The following PGBD5 variants were observed in gnomAD, a reference collection of about 807,000 sequenced individuals.
PGBD5 encodes piggyBac transposable element derived 5, also known as piggyBac transposable element-derived protein 5.
PGBD5 carries 14 observed loss-of-function variants against 47.9 expected under a neutral mutation model. The ratio of observed to expected loss-of-function variants is 0.29; its 90% CI spans 0.19 to 0.46. The LOEUF (loss-of-function observed/expected upper bound fraction) is 0.46. PGBD5 is among the 20% of genes least tolerant of loss of function. The pLI is 1.00. For synonymous variants in PGBD5, 316 were observed against 306.3 expected (o/e 1.03, Z -0.33); for missense variants, 635 against 716.0 (o/e 0.89, Z 1.29).
intron 4 of PGBD5, among the ~76,000 whole-genome samples, chr1:230,335,712 GGTACACATACA>G (rs1558192650): frequency 7.4e-3 from 1 of 136 alleles, no homozygotes; most frequent in African/African-American, 0.019. Context: ...TACATACACA[GGTACACATACA>G]GACACACACA....
intron 1 of PGBD5, among the ~76,000 whole-genome samples, chr1:230,358,058 T>G (rs1320950447): frequency 6.6e-6 from 1 of 151,646 alleles, no homozygotes; most frequent in Non-Finnish European, 1.5e-5. Flanking sequence ...TACAAATACA[T>G]CGATGTATAA....
chr1:230,377,930 AT>A (rs1344612945), intron 1 of PGBD5, among the ~76,000 whole-genome samples: 1 of 152,214 alleles, frequency 6.6e-6, no homozygotes, highest in East Asian at 1.9e-4. Context: ...TCTGGCTTGA[AT>A]TTGAGTCTGA....
chr1:230,412,208 G>A (rs1657423932), intron 1 of PGBD5, among the ~76,000 whole-genome samples: 1 of 152,166 alleles, frequency 6.6e-6, no homozygotes, highest in Non-Finnish European at 1.5e-5. Context: ...ATTACAGTTG[G>A]CCCTTGAACA....
At chr1:230,377,455 T>C in intron 1 of PGBD5, 1 of 1,596,596 alleles carries the variant, frequency 6.3e-7, no homozygotes, top group Non-Finnish European at 8.6e-7. Flanking sequence ...GATGAAAAGA[T>C]CTCTTGCCCA....
In PGBD5 at chr1:230,314,938, G is replaced by C. The variant is rs1015011945; in HGVS notation, c.*8487C>G. 2 of 151,884 alleles carry C rather than the reference G, an allele frequency of 1.3e-5. No individual in the cohort carries two copies. The highest frequency in any genetic ancestry group is 4.9e-5 in the African/African-American group (2 of 41,210). 9.4% of individuals were successfully genotyped at this position (151,884 alleles called of 1,614,324 possible). On this transcript the variant is annotated 3_prime_UTR_variant, in exon 7 of 7. Transcript: ENST00000391860. Reference sequence around the variant, plus strand: ...ACGGATTTCCTCATCATCAATGGCGGCTCTCCTGAACTAGGGATGAGTGTG... The same window carrying C: ...ACGGATTTCCTCATCATCAATGGCGCCTCTCCTGAACTAGGGATGAGTGTG...
At chr1:230,404,978 T>G (rs1251329179) in intron 1 of PGBD5, among the ~76,000 whole-genome samples, 1 of 129,356 alleles carries the variant, frequency 7.7e-6, no homozygotes, top group East Asian at 2.2e-4. Context: ...AGCTATCAAG[T>G]TTTTTTTTTT....
rs553597743 is a variant in PGBD5, at chr1:230,367,771, G to GA, written c.332-10451dup. 4.2e-3 allele frequency among the ~76,000 whole-genome samples: 632 copies of GA among 152,242 alleles called. 4 individuals are homozygous for GA. The highest frequency in any genetic ancestry group is 0.015 in the African/African-American group (603 of 41,524). On this transcript the variant is annotated intron_variant, in intron 1 of 6. Coordinates refer to ENST00000391860, the MANE Select transcript of PGBD5 (RefSeq NM_001258311.2). Reference sequence around the variant, plus strand: ...TTATACTCCAACAATGTCCTTGACAGAAAAAAACACTCCGGCATACTCCGT... The same window carrying GA: ...TTATACTCCAACAATGTCCTTGACAGAAAAAAAACACTCCGGCATACTCCGT...
chr1:230,326,276 G>C (rs1455714998), intron 5 of PGBD5, among the ~76,000 whole-genome samples: 1 of 152,120 alleles, frequency 6.6e-6, no homozygotes, highest in Non-Finnish European at 1.5e-5. Flanking sequence ...AAGTTAGCTG[G>C]GCACGGTGGC....
rs1257592596 is a variant in PGBD5 at position 230,315,099 on chromosome 1, A to C, written c.*8326T>G. 1 of 152,072 alleles carries C rather than the reference A, an allele frequency of 6.6e-6. No individual in the cohort carries two copies. Among genetic ancestry groups the C allele is most frequent in the Non-Finnish European group, 1.5e-5 (1 of 68,056 alleles). The allele number at this position is 152,072 out of a possible 1,614,324, so 9.4% of individuals were successfully genotyped here. A position where few individuals can be genotyped will look rare whatever the true frequency, so the allele number is the denominator to read the frequency against. Reference sequence around the variant, plus strand: ...CCCAGGAGCCCAGGAGCCAGGGCTTAGCTTCCTGGCTATTTTCAACTCTTC... The same window carrying C: ...CCCAGGAGCCCAGGAGCCAGGGCTTCGCTTCCTGGCTATTTTCAACTCTTC... On this transcript the variant is annotated 3_prime_UTR_variant, in exon 7 of 7. Coordinates refer to ENST00000391860, the MANE Select transcript of PGBD5 (RefSeq NM_001258311.2).
intron 1 of PGBD5, among the ~76,000 whole-genome samples, chr1:230,380,740 G>A (rs1364149039): frequency 6.6e-6 from 1 of 152,218 alleles, no homozygotes; most frequent in Non-Finnish European, 1.5e-5. Flanking sequence ...CAAGAACCAG[G>A]TGCATCAATC....
chr1:230,397,677 GA>G (rs1305015445), intron 1 of PGBD5, among the ~76,000 whole-genome samples: 2 of 152,228 alleles, frequency 1.3e-5, no homozygotes, highest in African/African-American at 4.8e-5. Flanking sequence ...GGCATACACA[GA>G]GGCAAAAATC....
At chr1:230,349,120 T>A (rs927967086) in intron 3 of PGBD5, among the ~76,000 whole-genome samples, 2 of 152,186 alleles carry the variant, frequency 1.3e-5, no homozygotes, top group African/African-American at 4.8e-5. Context: ...GAGAGAGAGA[T>A]CTGTGGCCTT....
rs369605433 is a variant in PGBD5, at chr1:230,357,253, C to T, written c.400G>A (p.Val134Ile). Residue 134 changes from valine to isoleucine, a missense_variant, in exon 2 of 7, where the codon GTC becomes ATC. By Grantham distance (29) the Val-to-Ile change is conservative. Coordinates refer to ENST00000391860, the MANE Select transcript of PGBD5 (RefSeq NM_001258311.2). This position sits in a 1 kb window ranked among gnomAD's most constrained non-coding sequence, Gnocchi z 5.7. ...DFFQLFVPDN[V>I]LKNMVVQTNM... Reference sequence around the variant, plus strand: ...GTCTGCACCACCATGTTCTTGAGGACGTTGTCTGGGACAAAGAGCTGGAAG... The same window carrying T: ...GTCTGCACCACCATGTTCTTGAGGATGTTGTCTGGGACAAAGAGCTGGAAG... 1.6e-5 allele frequency: 26 copies of T among 1,614,030 alleles called. No homozygotes were observed. The highest frequency in any genetic ancestry group is 4.0e-5 in the African/African-American group (3 of 74,918).
chr1:230,334,256 C>G (rs1177024982), intron 4 of PGBD5, among the ~76,000 whole-genome samples: 1 of 152,174 alleles, frequency 6.6e-6, no homozygotes. Flanking sequence ...CCATTCCTAG[C>G]AACCGCACGT....
intron 1 of PGBD5, among the ~76,000 whole-genome samples, chr1:230,376,027 A>T (rs937899542): frequency 2.0e-5 from 3 of 151,772 alleles, no homozygotes; most frequent in African/African-American, 4.8e-5. Context: ...AGCTATTCCT[A>T]CTGTTGCTGC....
intron 1 of PGBD5, among the ~76,000 whole-genome samples, chr1:230,421,135 G>A (rs865959364): frequency 2.0e-5 from 3 of 152,096 alleles, no homozygotes; most frequent in Admixed American, 6.5e-5. Context: ...AGGACAACTC[G>A]GGACAGCAAG....
intron 1 of PGBD5, among the ~76,000 whole-genome samples, chr1:230,420,253 T>C (rs374720908): frequency 6.6e-6 from 1 of 152,184 alleles, no homozygotes; most frequent in Non-Finnish European, 1.5e-5. Flanking sequence ...CCCTAGAGTA[T>C]TATAGATTCA....
intron 1 of PGBD5, among the ~76,000 whole-genome samples, chr1:230,372,702 G>A (rs1305347928): frequency 1.3e-5 from 2 of 152,198 alleles, no homozygotes; most frequent in Non-Finnish European, 2.9e-5. Context: ...AACAGTGATG[G>A]AGATGGAAGT....
intron 1 of PGBD5, among the ~76,000 whole-genome samples, chr1:230,419,246 C>T (rs58692151): frequency 0.14 from 21,818 of 152,146 alleles, 2,056 homozygotes; most frequent in Admixed American, 0.3. Flanking sequence ...AAGGAAATCA[C>T]GTCCTCTGCA....
Sources: allele counts gnomAD v4.1 joint callset (sites outside exome capture counted in the v4.1 genomes callset), GRCh38; gene constraint gnomAD v4.1.1; non-coding constraint Gnocchi (gnomAD v3.1); transcripts MANE v1.5; gene names NCBI Gene and HGNC (gene_info 2026-07-23, HGNC 2026-07-21).